The following AGO2 variants were observed in gnomAD, a reference collection of about 807,000 sequenced individuals.
AGO2 encodes protein argonaute-2.
Under a neutral mutation model 102.3 loss-of-function variants are expected in AGO2, and 5 were observed. The observed-to-expected ratio is 0.05, with a 90% CI of 0.03 to 0.10. The LOEUF is 0.10. AGO2 is among the 10% of genes least tolerant of loss of function. The pLI is 1.00. For synonymous variants in AGO2, 449 were observed against 473.1 expected (o/e 0.95, Z 0.66); for missense variants, 541 against 1,183.7 (o/e 0.46, Z 7.97).
chr8:140,540,025 G>A lies in AGO2; in HGVS notation c.2035-571C>T, dbSNP rs991829796. On this transcript the variant is annotated intron_variant, in intron 15 of 18. Transcript: ENST00000220592. The surrounding 1 kb of genome is among the most constrained non-coding windows in gnomAD (Gnocchi z 5.0). ...GAACTGCTTGAACCCGGGAGGTGGA[G>A]GTTGCAGTGAGCCGAGATCCTGCCA... Among the ~76,000 whole-genome samples, 7 of 152,170 alleles carry A rather than the reference G, an allele frequency of 4.6e-5. No individual in the cohort carries two copies. The highest frequency in any genetic ancestry group is 1.9e-4 in the East Asian group (1 of 5,198).
In AGO2 at chr8:140,609,506, G is replaced by A. The variant is rs940581136; in HGVS notation, c.23-24195C>T. Among the ~76,000 whole-genome samples the A allele has an allele frequency of 7.9e-5, 12 of 152,282 alleles. 1 individual carries two copies. The Middle Eastern group carries it at 0.01, about 129-fold the overall frequency. On this transcript the variant is annotated intron_variant, in intron 1 of 18. Coordinates refer to ENST00000220592, the MANE Select transcript of AGO2 (RefSeq NM_012154.5). ...TCACCCCGTGCACTGCTCCCGCACCGGCCTCGTCATCAATTCTTCCTCTGC... is the reference window on the plus strand; with the variant it reads ...TCACCCCGTGCACTGCTCCCGCACCAGCCTCGTCATCAATTCTTCCTCTGC...
chr8:140,550,818 C>T (rs2072982172), intron 11 of AGO2, among the ~76,000 whole-genome samples: 1 of 152,112 alleles, frequency 6.6e-6, no homozygotes, highest in East Asian at 1.9e-4. Flanking sequence ...TGGTCTCAAA[C>T]TCCTGACCTC....
intron 1 of AGO2, among the ~76,000 whole-genome samples, chr8:140,607,038 T>C (rs936415609): frequency 1.3e-5 from 2 of 151,710 alleles, no homozygotes; most frequent in Non-Finnish European, 1.5e-5. Context: ...TCACCTGAGG[T>C]CGGGAGTTGG....
At position 140,549,133 on chromosome 8, in the gene AGO2, G is replaced by A. The variant is rs150338909; in HGVS notation, c.1569C>T (p.Pro523=). 6.3e-5 allele frequency: 101 copies of A among 1,610,360 alleles called. No homozygotes were observed. Among genetic ancestry groups the A allele is most frequent in the Admixed American group, 4.7e-4 (28 of 59,926 alleles). ...AGLQLVVVIL[P]GKTPVYAEVK... Reference sequence around the variant, plus strand: ...ACCTACCGTACACGGGCGTCTTGCCGGGCAGGATGACCACCACCAGCTGCA... The same window carrying A: ...ACCTACCGTACACGGGCGTCTTGCCAGGCAGGATGACCACCACCAGCTGCA... The change falls in exon 12 of 19, where the codon CCC becomes CCT. Residue 523 remains proline, a synonymous_variant. Transcript: ENST00000220592.
At chr8:140,624,745 G>A (rs2074254652) in intron 1 of AGO2, among the ~76,000 whole-genome samples, 1 of 152,216 alleles carries the variant, frequency 6.6e-6, no homozygotes. Context: ...GGCATATAAG[G>A]AGCACAGAGG....
chr8:140,596,951 C>T (rs80206530), intron 1 of AGO2, among the ~76,000 whole-genome samples: 57,277 of 152,062 alleles, frequency 0.38, 12,164 homozygotes, highest in Non-Finnish European at 0.48. Flanking sequence ...CCTGAGGGTG[C>T]CAGCCAGCCA....
intron 10 of AGO2, among the ~76,000 whole-genome samples, chr8:140,554,336 G>A (rs1367745911): frequency 6.6e-6 from 1 of 152,142 alleles, no homozygotes; most frequent in African/African-American, 2.4e-5. Context: ...ACTCCCTTCA[G>A]AGAGACAAGC....
chr8:140,588,835 G>C (rs552058828), intron 1 of AGO2, among the ~76,000 whole-genome samples: 1 of 152,184 alleles, frequency 6.6e-6, no homozygotes, highest in African/African-American at 2.4e-5. Flanking sequence ...GAGCGAGTTC[G>C]GAGGGCAAGG....
At chr8:140,599,243 C>T (rs774842691) in intron 1 of AGO2, among the ~76,000 whole-genome samples, 1 of 152,156 alleles carries the variant, frequency 6.6e-6, no homozygotes, top group Non-Finnish European at 1.5e-5. Context: ...GCTGAGCGTC[C>T]GTTATGTGGT....
intron 1 of AGO2, among the ~76,000 whole-genome samples, chr8:140,590,334 G>C (rs2073729118): frequency 6.6e-6 from 1 of 152,236 alleles, no homozygotes; most frequent in African/African-American, 2.4e-5. Flanking sequence ...ACAAGACGGG[G>C]AGGAAAAGGA....
In AGO2 at chr8:140,520,244, ATCAT is replaced by A; in HGVS notation, c.*11796_*11799del. ...ACCATACAAAATAACTTTATAAAAT[ATCAT>A]TCACATCATATTTTATCAGATTTAC... On this transcript the variant is annotated 3_prime_UTR_variant, in exon 19 of 19. Coordinates refer to ENST00000220592, the MANE Select transcript of AGO2 (RefSeq NM_012154.5). 6.6e-6 allele frequency: 1 copy of A among 152,350 alleles called. No individual in the cohort carries two copies. The highest frequency in any genetic ancestry group is 3.4e-3 in the Middle Eastern group (1 of 294). The allele number at this position is 152,350 out of a possible 1,614,324, so 9.4% of individuals were successfully genotyped here.
At position 140,635,020 on chromosome 8, in the gene AGO2, C is replaced by T. The variant is rs1251946363; in HGVS notation, c.22+465G>A. On this transcript the variant is annotated intron_variant, in intron 1 of 18. Coordinates refer to ENST00000220592, the MANE Select transcript of AGO2 (RefSeq NM_012154.5). ...CCGGGCGCCCCGACCCGGCCTCCAC[C>T]CGCTCAGGCGCTCAGGGTCAGGCCG... Among the ~76,000 whole-genome samples the T allele has an allele frequency of 3.3e-5, 5 of 151,094 alleles. 1 individual carries two copies. The highest frequency in any genetic ancestry group is 1.2e-4 in the African/African-American group (5 of 41,396).
chr8:140,641,739 A>ATTT, the AGO2 span, among the ~76,000 whole-genome samples: 1 of 152,186 alleles, frequency 6.6e-6, no homozygotes, highest in African/African-American at 2.4e-5. Flanking sequence ...GTGCACAACC[A>ATTT]CGCCTGGCTA....
At position 140,635,469 on chromosome 8, in the gene AGO2, G is replaced by T; in HGVS notation, c.22+16C>A. The T allele has an allele frequency of 1.0e-6, 1 of 980,032 alleles. No homozygotes were observed. Among genetic ancestry groups the T allele is most frequent in the South Asian group, 4.6e-5 (1 of 21,948 alleles). The allele number at this position is 980,032 out of a possible 1,614,324, so 60.7% of individuals were successfully genotyped here. On this transcript the variant is annotated intron_variant, in intron 1 of 18. Coordinates refer to ENST00000220592, the MANE Select transcript of AGO2 (RefSeq NM_012154.5). ...GCGCGAACGGCCGGGCGGGCGCCCC[G>T]AGCGCCAGGACTCACCGGGGCCGGC...
At chr8:140,637,824 GTC>G (rs2074420470), upstream of AGO2, 1 of 152,106 alleles carries the variant, frequency 6.6e-6, no homozygotes, top group African/African-American at 2.4e-5. Flanking sequence ...GAGAACTGCA[GTC>G]CCCTCTGCCT....
intron 1 of AGO2, among the ~76,000 whole-genome samples, chr8:140,591,311 C>A (rs1486621692): frequency 1.3e-5 from 2 of 152,184 alleles, no homozygotes; most frequent in Non-Finnish European, 2.9e-5. Context: ...AGCAGGGGAG[C>A]AGTCACCCCA....
intron 1 of AGO2, among the ~76,000 whole-genome samples, chr8:140,634,841 G>A (rs1413711704): frequency 2.0e-5 from 3 of 152,178 alleles, no homozygotes; most frequent in African/African-American, 4.8e-5. Flanking sequence ...TACAGGAATT[G>A]GCCAAAATTC....
At chr8:140,564,358 C>G (rs568855096) in intron 3 of AGO2, among the ~76,000 whole-genome samples, 40 of 152,102 alleles carry the variant, frequency 2.6e-4, no homozygotes, top group African/African-American at 9.6e-4. Context: ...GAGGGAACAG[C>G]TGGGCCTGGG....
intron 1 of AGO2, among the ~76,000 whole-genome samples, chr8:140,614,862 T>C (rs1212752987): frequency 1.3e-5 from 2 of 152,244 alleles, no homozygotes; most frequent in African/African-American, 4.8e-5. Flanking sequence ...TAACTGCTGC[T>C]GCTGCTGTTA....
Sources: gnomAD v4.1 joint callset for allele counts (sites outside exome capture counted in the v4.1 genomes callset) on GRCh38, gnomAD v4.1.1 for gene constraint, Gnocchi (gnomAD v3.1) non-coding constraint, MANE v1.5 for transcripts, NCBI Gene and HGNC (gene_info 2026-07-23, HGNC 2026-07-21) for gene names.